Variants in DHDDS observed in about 807,000 individuals in gnomAD.
DHDDS encodes the protein dehydrodolichyl diphosphate synthase subunit, also known as dehydrodolichyl diphosphate synthase complex subunit DHDDS.
In DHDDS, 16 loss-of-function variants were observed where a neutral mutation model predicts 46.2. The observed-to-expected ratio is 0.35, with a 90% CI of 0.23 to 0.53. DHDDS has a LOEUF of 0.53. Ranked by LOEUF, DHDDS falls within the 20% of genes least tolerant of loss-of-function variation. The pLI, the probability that DHDDS is intolerant of heterozygous loss-of-function variation, is 0.94. For synonymous variants in DHDDS, 151 were observed against 163.1 expected (o/e 0.93, Z 0.56); for missense variants, 340 against 423.7 (o/e 0.80, Z 1.73).
At chr1:26,439,086 G>A (rs1263329092) in intron 3 of DHDDS, among the ~76,000 whole-genome samples, 12 of 151,960 alleles carry the variant, frequency 7.9e-5, no homozygotes, top group Admixed American at 7.9e-4. Context: ...CCGTCACCAT[G>A]TCCAACTAAT....
intron 7 of DHDDS, among the ~76,000 whole-genome samples, chr1:26,459,707 C>G (rs1322308712): frequency 6.6e-6 from 1 of 152,216 alleles, no homozygotes; most frequent in East Asian, 1.9e-4. Flanking sequence ...CAGATGCCCT[C>G]TAAGGGCCAA....
At chr1:26,457,690 T>A in intron 6 of DHDDS, 101 bp from the exon 7 acceptor site, 1 of 882,810 alleles carries the variant, frequency 1.1e-6, no homozygotes, top group Non-Finnish European at 1.9e-6. Flanking sequence ...TGGTATTGTA[T>A]AAACTGAGAA....
At chr1:26,435,992 C>T (rs1281511403) in intron 2 of DHDDS, among the ~76,000 whole-genome samples, 8 of 152,048 alleles carry the variant, frequency 5.3e-5, no homozygotes, top group African/African-American at 1.4e-4. Flanking sequence ...TCAAGTGATC[C>T]ACCCACCTTG....
chr1:26,438,104 T>C lies in DHDDS; in HGVS notation c.64-64T>C, dbSNP rs2075179501. On this transcript the variant is annotated intron_variant, in intron 2 of 8. Coordinates refer to ENST00000236342, the MANE Select transcript of DHDDS (RefSeq NM_205861.3). ...AGCCCAAACATATCACCTTGGGGTG[T>C]AGTGTCTTCCTTTATCCCTGAAGAA... The C allele has an allele frequency of 7.2e-6, 11 of 1,533,718 alleles. No homozygotes were observed. In the South Asian group the frequency reaches 1.1e-4, roughly 16 times the overall value.
chr1:26,446,540 T>C (rs2075270747), intron 5 of DHDDS, 108 bp downstream of exon 5: 1 of 1,007,092 alleles, frequency 9.9e-7, no homozygotes, highest in Non-Finnish European at 1.6e-6. Flanking sequence ...CAAGGGGCAA[T>C]GAGAGAGTAG....
rs371562726 is a variant in DHDDS, at chr1:26,458,564, CCT to C, written c.657+660_657+661del. On this transcript the variant is annotated intron_variant, in intron 7 of 8. Coordinates refer to ENST00000236342, the MANE Select transcript of DHDDS (RefSeq NM_205861.3). ...ACCAGTCCAGCCAACATGGTGAACC[CCT>C]GTCTCTACTAAAAATACAGAAATTA... is the stretch of plus-strand genomic sequence containing the variant. Among the ~76,000 whole-genome samples, 832 of 152,032 alleles carry C rather than the reference CCT, an allele frequency of 5.5e-3. 6 individuals are homozygous for C. Among genetic ancestry groups the C allele is most frequent in the African/African-American group, 0.019 (773 of 41,452 alleles).
intron 4 of DHDDS, among the ~76,000 whole-genome samples, chr1:26,444,124 C>T (rs2075244568): frequency 6.6e-6 from 1 of 152,154 alleles, no homozygotes; most frequent in South Asian, 2.1e-4. Context: ...AAGATCAAAA[C>T]GCATGGCAGA....
At chr1:26,465,795 T>G (rs983138207) in intron 8 of DHDDS, among the ~76,000 whole-genome samples, 2 of 152,154 alleles carry the variant, frequency 1.3e-5, no homozygotes, top group Non-Finnish European at 2.9e-5. Context: ...GCAAGGAGAC[T>G]CTGAGGGTGC....
intron 2 of DHDDS, among the ~76,000 whole-genome samples, chr1:26,433,724 G>C (rs887972393): frequency 2.0e-5 from 3 of 151,268 alleles, no homozygotes; most frequent in Admixed American, 6.6e-5. Flanking sequence ...AGACAAACAT[G>C]GGTGAAATTC....
chr1:26,442,652 A>G, intron 3 of DHDDS, 79 bp from the exon 4 acceptor site: 1 of 1,576,080 alleles, frequency 6.3e-7, no homozygotes, highest in Non-Finnish European at 8.7e-7. Flanking sequence ...TCCAACTCTG[A>G]GTCAGGACCA....
At chr1:26,444,250 C>T (rs1464102677) in intron 4 of DHDDS, among the ~76,000 whole-genome samples, 4 of 152,272 alleles carry the variant, frequency 2.6e-5, no homozygotes, top group African/African-American at 9.6e-5. Context: ...ATTAATGTGC[C>T]ACAGAACCCC....
At chr1:26,444,597 TTAACTGGGGA>T (rs1285226767) in intron 4 of DHDDS, among the ~76,000 whole-genome samples, 1 of 151,864 alleles carries the variant, frequency 6.6e-6, no homozygotes, top group Non-Finnish European at 1.5e-5. Context: ...TACAAAAAAA[TTAACTGGGGA>T]TGGTGGCACA....
chr1:26,439,866 C>T lies in DHDDS; in HGVS notation c.180+1582C>T, dbSNP rs546085044. The stretch of plus-strand genomic sequence containing the variant: ...TTTTTAAGAAGAATGGAGGGCCGGG[C>T]GCGGTGGCTTACGCCTGTAATCCCA... On this transcript the variant is annotated intron_variant, in intron 3 of 8. Transcript: ENST00000236342. Among the ~76,000 whole-genome samples, 8 of 152,306 alleles carry T rather than the reference C, an allele frequency of 5.3e-5. No individual in the cohort carries two copies. The South Asian group carries it at 1.0e-3, about 20-fold the overall frequency.
intron 2 of DHDDS, among the ~76,000 whole-genome samples, chr1:26,434,325 T>A (rs556303113): frequency 1.3e-5 from 2 of 152,140 alleles, no homozygotes; most frequent in Non-Finnish European, 2.9e-5. Context: ...AAGCAGCAGG[T>A]AGTAATGAAT....
intron 6 of DHDDS, among the ~76,000 whole-genome samples, chr1:26,449,603 G>A (rs759430486): frequency 5.3e-5 from 8 of 152,086 alleles, no homozygotes; most frequent in South Asian, 2.1e-4. Flanking sequence ...CTCTTGCCCA[G>A]GCTGGAATGC....
intron 6 of DHDDS, among the ~76,000 whole-genome samples, chr1:26,451,631 CTTTT>C (rs201092863): frequency 1.5e-5 from 2 of 129,980 alleles, no homozygotes; most frequent in Admixed American, 7.7e-5. Flanking sequence ...ATTTTTTTTT[CTTTT>C]TTTTTTTTTT....
intron 1 of DHDDS, 133 bp from the exon 2 acceptor site, chr1:26,432,758 G>C: frequency 1.6e-6 from 1 of 633,088 alleles, no homozygotes; most frequent in Non-Finnish European, 2.8e-6. Context: ...GGTGGTAAAA[G>C]ATTATAGGCT....
rs570018600 is a variant in DHDDS, at chr1:26,450,627, G to C, written c.542+2967G>C. Among the ~76,000 whole-genome samples, 7 of 152,346 alleles carry C rather than the reference G, an allele frequency of 4.6e-5. No individual in the cohort carries two copies. In the East Asian group the frequency reaches 1.3e-3, roughly 29 times the overall value. ...GAAAAGAGGGAGTTTGTTGGTGCAA[G>C]TTGGGAAGGGGTAGGGCACCCATGG... On this transcript the variant is annotated intron_variant, in intron 6 of 8. Transcript: ENST00000236342.
Position 26,469,633 on chromosome 1 carries a change from T to TTTTTTTAA in DHDDS, c.*503_*504insTTTTTAAT. On this transcript the variant is annotated 3_prime_UTR_variant, in exon 9 of 9. Coordinates refer to ENST00000236342, the MANE Select transcript of DHDDS (RefSeq NM_205861.3). ...AAAAGGGGTGGGAGAGACAGAAAAT[T>TTTTTTTAA]TGCCCATCTGCTGCTCCTCCCCCTT... The TTTTTTTAA allele has an allele frequency of 1.3e-5, 3 of 226,948 alleles. No homozygotes were observed. The highest frequency in any genetic ancestry group is 1.0e-4 in the Admixed American group (2 of 19,454). 14.1% of individuals were successfully genotyped at this position (226,948 alleles called of 1,614,324 possible). A position where few individuals can be genotyped will look rare whatever the true frequency, so the allele number is the denominator to read the frequency against.
Sources: allele counts gnomAD v4.1 joint callset (sites outside exome capture counted in the v4.1 genomes callset), GRCh38; gene constraint gnomAD v4.1.1; transcripts MANE v1.5; gene names NCBI Gene and HGNC (gene_info 2026-07-23, HGNC 2026-07-21).